KCNQ1OT1: variants seen among roughly 807,000 people sequenced by gnomAD.
KCNQ1OT1 encodes KCNQ1 antisense RNA 2 (non-protein coding).
exon 1 of KCNQ1OT1, chr11:2,667,778 A>C (rs957087387): frequency 2.5e-6 from 1 of 398,718 alleles, no homozygotes. Context: ...GGCCAGGGCT[A>C]TCCACCTAAT....
exon 1 of KCNQ1OT1, chr11:2,616,924 C>T: frequency 2.5e-6 from 1 of 394,610 alleles, no homozygotes; most frequent in South Asian, 1.3e-4. Flanking sequence ...CCTCTCTTTT[C>T]TTATTGGGCT....
rs1411834072 is a variant in KCNQ1OT1 at position 2,645,217 on chromosome 11, C to T, written n.54778G>A. 2.5e-6 allele frequency: 1 copy of T among 398,412 alleles called. No individual in the cohort carries two copies. The highest frequency in any genetic ancestry group is 2.1e-5 in the African/African-American group (1 of 48,562). 24.7% of individuals were successfully genotyped at this position (398,412 alleles called of 1,614,324 possible). A position where few individuals can be genotyped will look rare whatever the true frequency, so the allele number is the denominator to read the frequency against. ...AAGCTGGATGAGCTTGTCCCAAGGC[C>T]CACAGGTGGCAAATTCAAGTGAATG... On this transcript the variant is annotated non_coding_transcript_exon_variant, in exon 1 of 1. Transcript: ENST00000597346. This position sits in a 1 kb window ranked among gnomAD's most constrained non-coding sequence, Gnocchi z 5.8.
At chr11:2,633,920 C>G in exon 1 of KCNQ1OT1, 3 of 398,544 alleles carry the variant, frequency 7.5e-6, no homozygotes, top group Non-Finnish European at 1.3e-5. Flanking sequence ...TGCATTCTAT[C>G]CTTGTTAGAT....
rs899757229 is a variant in KCNQ1OT1 at position 2,652,821 on chromosome 11, G to C, written n.47174C>G. On this transcript the variant is annotated non_coding_transcript_exon_variant, in exon 1 of 1. Coordinates refer to ENST00000597346, the Ensembl canonical transcript of KCNQ1OT1. This position sits in a 1 kb window ranked among gnomAD's most constrained non-coding sequence, Gnocchi z 5.9. ...CCCTTGGGCCTGCAGAGACATTTCC[G>C]TTCACTCTGAGATTTGTGTATGCTG... The C allele has an allele frequency of 5.0e-6, 2 of 398,848 alleles. No homozygotes were observed. Among genetic ancestry groups the C allele is most frequent in the African/African-American group, 4.1e-5 (2 of 48,608 alleles). 24.7% of individuals were successfully genotyped at this position (398,848 alleles called of 1,614,324 possible). A position where few individuals can be genotyped will look rare whatever the true frequency, so the allele number is the denominator to read the frequency against.
exon 1 of KCNQ1OT1, chr11:2,633,521 A>C (rs1281246930): frequency 2.5e-6 from 1 of 398,532 alleles, no homozygotes; most frequent in East Asian, 3.6e-5. Context: ...TTAAGTCTCT[A>C]ATCAATTTTG....
Position 2,653,766 on chromosome 11 carries a change from A to G in KCNQ1OT1, n.46229T>C. 2.5e-6 allele frequency: 1 copy of G among 398,660 alleles called. No individual in the cohort carries two copies. Among genetic ancestry groups the G allele is most frequent in the Admixed American group, 4.4e-5 (1 of 22,730 alleles). The allele number at this position is 398,660 out of a possible 1,614,324, so 24.7% of individuals were successfully genotyped here. ...GGTTCTTATTGGCCTCAGCTGGGGT[A>G]CAAGCCATCCTTGGACCTGCAGCTG... is the stretch of plus-strand genomic sequence containing the variant. On this transcript the variant is annotated non_coding_transcript_exon_variant, in exon 1 of 1. Transcript: ENST00000597346. The surrounding 1 kb of genome is among the most constrained non-coding windows in gnomAD (Gnocchi z 5.3).
exon 1 of KCNQ1OT1, chr11:2,636,229 G>T (rs889811365): frequency 2.6e-5 from 4 of 152,192 alleles, no homozygotes; most frequent in Non-Finnish European, 4.4e-5. Flanking sequence ...ATGTTGAATA[G>T]GAGTGGTGAG....
chr11:2,674,867 T>C lies in KCNQ1OT1; in HGVS notation n.25128A>G. 2.8e-6 allele frequency: 1 copy of C among 360,050 alleles called. No homozygotes were observed. The highest frequency in any genetic ancestry group is 4.8e-6 in the Non-Finnish European group (1 of 207,084). The allele number at this position is 360,050 out of a possible 1,614,324, so 22.3% of individuals were successfully genotyped here. A position where few individuals can be genotyped will look rare whatever the true frequency, so the allele number is the denominator to read the frequency against. Reference sequence around the variant, plus strand: ...AAAAAAAAAAAAAAAAAAAGCTCACTGGGCACCTTGGCTGCAGGGTCTGAA... The same window carrying C: ...AAAAAAAAAAAAAAAAAAAGCTCACCGGGCACCTTGGCTGCAGGGTCTGAA... On this transcript the variant is annotated non_coding_transcript_exon_variant, in exon 1 of 1. Coordinates refer to ENST00000597346, the Ensembl canonical transcript of KCNQ1OT1. This position sits in a 1 kb window ranked among gnomAD's most constrained non-coding sequence, Gnocchi z 5.9.
At chr11:2,655,520 CA>C (rs1849830313) in exon 1 of KCNQ1OT1, 1 of 398,618 alleles carries the variant, frequency 2.5e-6, no homozygotes, top group South Asian at 1.3e-4. Flanking sequence ...TCAAGTACAC[CA>C]TGGGCTCAAC....
Position 2,645,783 on chromosome 11 carries a change from T to C in KCNQ1OT1, n.54212A>G, listed in dbSNP as rs188377653. ...AGAGGGATGTGGGGCCCACAGCAGA[T>C]GCAGTCTGGTGGGGGTTGGGCTATC... On this transcript the variant is annotated non_coding_transcript_exon_variant, in exon 1 of 1. Transcript: ENST00000597346. The surrounding 1 kb of genome is among the most constrained non-coding windows in gnomAD (Gnocchi z 5.8). The C allele has an allele frequency of 1.6e-3, 642 of 398,720 alleles. 11 individuals carry two copies. The East Asian group carries it at 0.021, about 13-fold the overall frequency. The allele number at this position is 398,720 out of a possible 1,614,324, so 24.7% of individuals were successfully genotyped here.
exon 1 of KCNQ1OT1, chr11:2,641,985 C>G (rs1849586841): frequency 2.5e-6 from 1 of 398,220 alleles, no homozygotes; most frequent in Non-Finnish European, 4.4e-6. Context: ...TTCCATTGGT[C>G]TATCAGTTTT....
rs909315089 is a variant in KCNQ1OT1, at chr11:2,695,710, G to A, written n.4285C>T. ...CTTCAGAACGTCTGTGCCTGTCTCCGTCCCCACCTGCAGCACACAGGGAGG... is the reference window on the plus strand; with the variant it reads ...CTTCAGAACGTCTGTGCCTGTCTCCATCCCCACCTGCAGCACACAGGGAGG... On this transcript the variant is annotated non_coding_transcript_exon_variant, in exon 1 of 1. Coordinates refer to ENST00000597346, the Ensembl canonical transcript of KCNQ1OT1. This position sits in a 1 kb window ranked among gnomAD's most constrained non-coding sequence, Gnocchi z 5.2. The A allele has an allele frequency of 7.5e-6, 3 of 398,470 alleles. No individual in the cohort carries two copies. The highest frequency in any genetic ancestry group is 4.4e-6 in the Non-Finnish European group (1 of 226,082). 24.7% of individuals were successfully genotyped at this position (398,470 alleles called of 1,614,324 possible).
In KCNQ1OT1 at chr11:2,674,449, C is replaced by T. The variant is rs750568046; in HGVS notation, n.25546G>A. 6.5e-5 allele frequency: 26 copies of T among 398,266 alleles called. No homozygotes were observed. The highest frequency in any genetic ancestry group is 1.2e-4 in the Non-Finnish European group (26 of 226,054). The allele number at this position is 398,266 out of a possible 1,614,324, so 24.7% of individuals were successfully genotyped here. ...CGACCACAGAGGCTGGGGGGAGGCA[C>T]GTGGGGAGGAGGGCTGCCTGTCGAG... On this transcript the variant is annotated non_coding_transcript_exon_variant, in exon 1 of 1. Transcript: ENST00000597346. This position sits in a 1 kb window ranked among gnomAD's most constrained non-coding sequence, Gnocchi z 5.9.
exon 1 of KCNQ1OT1, chr11:2,686,919 A>G: frequency 2.5e-6 from 1 of 398,714 alleles, no homozygotes; most frequent in Non-Finnish European, 4.4e-6. Context: ...ATCCAGGTCC[A>G]TGCAGGTCTC....
exon 1 of KCNQ1OT1, chr11:2,656,964 C>T (rs1849861392): frequency 2.5e-6 from 1 of 398,610 alleles, no homozygotes; most frequent in East Asian, 3.6e-5. Flanking sequence ...TGCTCCTGAA[C>T]ATTTGATTGA....
rs1850155388 is a variant in KCNQ1OT1, at chr11:2,670,204, G to A, written n.29791C>T. ...CACATTAAAGCAGAGTGAAGAGCAG[G>A]GCGAGCTGTGTAGCTCACCTGCCTT... On this transcript the variant is annotated non_coding_transcript_exon_variant, in exon 1 of 1. Transcript: ENST00000597346. This position sits in a 1 kb window ranked among gnomAD's most constrained non-coding sequence, Gnocchi z 4.9. The A allele has an allele frequency of 5.0e-6, 2 of 398,554 alleles. No homozygotes were observed. The highest frequency in any genetic ancestry group is 7.1e-5 in the East Asian group (2 of 28,066). The allele number at this position is 398,554 out of a possible 1,614,324, so 24.7% of individuals were successfully genotyped here. A position where few individuals can be genotyped will look rare whatever the true frequency, so the allele number is the denominator to read the frequency against.
exon 1 of KCNQ1OT1, chr11:2,675,756 C>T (rs1469606092): frequency 2.5e-6 from 1 of 398,582 alleles, no homozygotes; most frequent in Non-Finnish European, 4.4e-6. Context: ...GAACCAGAGA[C>T]TCACAGCACT....
Position 2,652,934 on chromosome 11 carries a change from C to A in KCNQ1OT1, n.47061G>T. ...TAAACTTAGGTTTTGGAAAGCCCAG[C>A]ATCCTCCCTGGGACTTCTCAGGATT... is the stretch of plus-strand genomic sequence containing the variant. On this transcript the variant is annotated non_coding_transcript_exon_variant, in exon 1 of 1. Coordinates refer to ENST00000597346, the Ensembl canonical transcript of KCNQ1OT1. This position sits in a 1 kb window ranked among gnomAD's most constrained non-coding sequence, Gnocchi z 5.9. The A allele has an allele frequency of 2.5e-6, 1 of 398,690 alleles. No individual in the cohort carries two copies. The highest frequency in any genetic ancestry group is 4.4e-6 in the Non-Finnish European group (1 of 226,116). The allele number at this position is 398,690 out of a possible 1,614,324, so 24.7% of individuals were successfully genotyped here. A position where few individuals can be genotyped will look rare whatever the true frequency, so the allele number is the denominator to read the frequency against.
In KCNQ1OT1 at chr11:2,661,969, A is replaced by G. The variant is rs763931151; in HGVS notation, n.38026T>C. Reference sequence around the variant, plus strand: ...CCACACTTTCTCCTCAGTAAGGAAGAGCCCAACACTGCTGGAAGTGAGCAT... The same window carrying G: ...CCACACTTTCTCCTCAGTAAGGAAGGGCCCAACACTGCTGGAAGTGAGCAT... On this transcript the variant is annotated non_coding_transcript_exon_variant, in exon 1 of 1. Coordinates refer to ENST00000597346, the Ensembl canonical transcript of KCNQ1OT1. The surrounding 1 kb of genome is among the most constrained non-coding windows in gnomAD (Gnocchi z 5.9). 2.5e-6 allele frequency: 4 copies of G among 1,614,180 alleles called. No homozygotes were observed. In the South Asian group the frequency reaches 3.3e-5, roughly 13 times the overall value.
Sources: gnomAD v4.1 joint callset for allele counts on GRCh38, gnomAD v4.1.1 for gene constraint, Gnocchi (gnomAD v3.1) non-coding constraint, MANE v1.5 for transcripts, NCBI Gene and HGNC (gene_info 2026-07-23, HGNC 2026-07-21) for gene names.